Variants in TMEM178B observed in about 807,000 individuals in gnomAD.
TMEM178B encodes transmembrane protein 178B.
Under a neutral mutation model 31.0 loss-of-function variants are expected in TMEM178B, and 5 were observed. That is an observed-to-expected ratio of 0.16 (90% CI 0.08 to 0.34). The LOEUF is 0.34. TMEM178B is among the 10% of genes least tolerant of loss of function. The pLI, the probability that TMEM178B is intolerant of heterozygous loss-of-function variation, is 1.00. For missense variants in TMEM178B, 275 were observed against 400.3 expected, an observed-to-expected ratio of 0.69 and a Z score of 2.67; for synonymous variants, 164 against 164.0, an observed-to-expected ratio of 1.00 and a Z score of 0.00.
At chr7:141,225,401 T>C (rs1271821423) in intron 2 of TMEM178B, among the ~76,000 whole-genome samples, 3 of 151,378 alleles carry the variant, frequency 2.0e-5, no homozygotes, top group Non-Finnish European at 4.4e-5. Context: ...TTTTTCTTTT[T>C]CATTTAATTA....
intron 2 of TMEM178B, among the ~76,000 whole-genome samples, chr7:141,239,451 C>T (rs1265939323): frequency 6.6e-6 from 1 of 152,072 alleles, no homozygotes; most frequent in Non-Finnish European, 1.5e-5. Flanking sequence ...CACTTCGTAC[C>T]CTCCACTGAC....
intron 2 of TMEM178B, among the ~76,000 whole-genome samples, chr7:141,369,763 C>A (rs751550258): frequency 6.6e-6 from 1 of 152,102 alleles, no homozygotes; most frequent in Non-Finnish European, 1.5e-5. Flanking sequence ...TCCCCTGGAG[C>A]CGGGATTACT....
At chr7:141,290,245 T>G (rs1798522586) in intron 2 of TMEM178B, among the ~76,000 whole-genome samples, 1 of 152,236 alleles carries the variant, frequency 6.6e-6, no homozygotes, top group African/African-American at 2.4e-5. Flanking sequence ...GTTCAGTTTT[T>G]GTCATGTGTT....
intron 2 of TMEM178B, among the ~76,000 whole-genome samples, chr7:141,400,740 G>T (rs188789246): frequency 2.0e-5 from 3 of 152,222 alleles, no homozygotes; most frequent in African/African-American, 4.8e-5. Context: ...GGCTTCAGGA[G>T]AAAGTAACCT....
intron 2 of TMEM178B, among the ~76,000 whole-genome samples, chr7:141,330,524 T>C (rs1484930454): frequency 6.6e-6 from 1 of 152,228 alleles, no homozygotes; most frequent in Non-Finnish European, 1.5e-5. Flanking sequence ...CCAGTCTATA[T>C]TGAAGGGCTT....
chr7:141,195,854 A>G (rs918759230), intron 1 of TMEM178B, among the ~76,000 whole-genome samples: 3 of 152,260 alleles, frequency 2.0e-5, no homozygotes, highest in Non-Finnish European at 2.9e-5. Context: ...ACGTGGCAGC[A>G]GCAAGAGAAA....
chr7:141,490,090 T>C, the TMEM178B span, among the ~76,000 whole-genome samples: 1 of 152,174 alleles, frequency 6.6e-6, no homozygotes, highest in African/African-American at 2.4e-5. Flanking sequence ...CTAGGAGAGA[T>C]GATTTGCAGA....
At chr7:141,381,809 GC>G (rs1228018104) in intron 2 of TMEM178B, among the ~76,000 whole-genome samples, 2 of 152,116 alleles carry the variant, frequency 1.3e-5, no homozygotes, top group African/African-American at 4.8e-5. Context: ...TATCTGAGGG[GC>G]ACTGAATGTA....
Position 141,475,295 on chromosome 7 carries a change from C to T in TMEM178B, c.*4509C>T, listed in dbSNP as rs1020371667. The T allele has an allele frequency of 6.6e-5, 10 of 152,150 alleles. No homozygotes were observed. Among genetic ancestry groups the T allele is most frequent in the African/African-American group, 2.4e-4 (10 of 41,414 alleles). 9.4% of individuals were successfully genotyped at this position (152,150 alleles called of 1,614,324 possible). On this transcript the variant is annotated 3_prime_UTR_variant, in exon 4 of 4. Coordinates refer to ENST00000565468, the MANE Select transcript of TMEM178B (RefSeq NM_001195278.2). ...ATTCTCGTGTCTGTCTCTCAAAGCT[C>T]TCAATGTCTGGGGCTGTGTTTGCCC...
Position 141,452,441 on chromosome 7 carries a change from C to T in TMEM178B, c.634+14696C>T, listed in dbSNP as rs1801883096. Among the ~76,000 whole-genome samples the T allele has an allele frequency of 2.6e-5, 4 of 152,340 alleles. No homozygotes were observed. In the South Asian group the frequency reaches 8.3e-4, roughly 32 times the overall value. Reference sequence around the variant, plus strand: ...CACTTCCTTGCAGATTGGTCTATTACCTGAGTCATCTTCCAGTTTTCCGTT... The same window carrying T: ...CACTTCCTTGCAGATTGGTCTATTATCTGAGTCATCTTCCAGTTTTCCGTT... On this transcript the variant is annotated intron_variant, in intron 3 of 3. Coordinates refer to ENST00000565468, the MANE Select transcript of TMEM178B (RefSeq NM_001195278.2).
chr7:141,083,883 A>AT (rs57202199), intron 1 of TMEM178B, among the ~76,000 whole-genome samples: 3 of 145,830 alleles, frequency 2.1e-5, no homozygotes, highest in South Asian at 2.2e-4. Flanking sequence ...ATTCAGCAGA[A>AT]TTTTTTTTTT....
intron 3 of TMEM178B, among the ~76,000 whole-genome samples, chr7:141,451,784 T>C (rs994893823): frequency 1.3e-5 from 2 of 152,212 alleles, no homozygotes; most frequent in African/African-American, 4.8e-5. Flanking sequence ...AGCTTGGGGC[T>C]TATGAGGCAG....
chr7:141,124,652 C>T (rs947497210), intron 1 of TMEM178B, among the ~76,000 whole-genome samples: 25 of 152,290 alleles, frequency 1.6e-4, no homozygotes, highest in African/African-American at 5.5e-4. Context: ...TTCCCCAGCA[C>T]CTAGCAGAGT....
At chr7:141,176,387 G>A (rs577590221) in intron 1 of TMEM178B, among the ~76,000 whole-genome samples, 88 of 152,248 alleles carry the variant, frequency 5.8e-4, no homozygotes, top group African/African-American at 2.0e-3. Flanking sequence ...TTTTCACATC[G>A]ATGTTCATCA....
chr7:141,434,025 C>T (rs974167835), intron 2 of TMEM178B, among the ~76,000 whole-genome samples: 2 of 152,160 alleles, frequency 1.3e-5, no homozygotes, highest in Admixed American at 6.5e-5. Context: ...GACAACAGCC[C>T]CTCCCCGACC....
chr7:141,405,160 G>A (rs189625915), intron 2 of TMEM178B, among the ~76,000 whole-genome samples: 1 of 152,372 alleles, frequency 6.6e-6, no homozygotes, highest in Non-Finnish European at 1.5e-5. Flanking sequence ...CAGACGTAGA[G>A]GCCTTGAGTA....
chr7:141,158,046 A>G (rs745605903), intron 1 of TMEM178B, among the ~76,000 whole-genome samples: 16 of 152,162 alleles, frequency 1.1e-4, no homozygotes, highest in Non-Finnish European at 1.8e-4. Flanking sequence ...AGTCTGCAAC[A>G]GTCTCTTTCT....
At chr7:141,228,905 C>T (rs531112669) in intron 2 of TMEM178B, among the ~76,000 whole-genome samples, 11 of 152,038 alleles carry the variant, frequency 7.2e-5, no homozygotes, top group African/African-American at 1.4e-4. Flanking sequence ...GCTGAACAGA[C>T]GGGGCACCCC....
chr7:141,118,325 G>A (rs1272240160), intron 1 of TMEM178B, among the ~76,000 whole-genome samples: 1 of 152,214 alleles, frequency 6.6e-6, no homozygotes, highest in African/African-American at 2.4e-5. Flanking sequence ...GAAGAGCCCT[G>A]AGTCTAGATT....
Sources: allele counts gnomAD v4.1 joint callset (sites outside exome capture counted in the v4.1 genomes callset), GRCh38; gene constraint gnomAD v4.1.1; transcripts MANE v1.5; gene names NCBI Gene and HGNC (gene_info 2026-07-23, HGNC 2026-07-21).